Variants in ZNF585A observed in about 807,000 individuals in gnomAD.
ZNF585A encodes the protein zinc finger protein 585A.
ZNF585A carries 9 observed loss-of-function variants against 14.9 expected under a neutral mutation model. That is an observed-to-expected ratio of 0.60 (90% CI 0.36 to 1.05). ZNF585A has a LOEUF of 1.05. Ranked by LOEUF, ZNF585A falls within the 50% of genes least tolerant of loss-of-function variation. ZNF585A has a pLI of 0.01. For synonymous variants in ZNF585A, 276 were observed against 319.9 expected (o/e 0.86, Z 1.46); for missense variants, 726 against 926.4 (o/e 0.78, Z 2.81).
At chr19:37,165,195 TA>T (rs971513411) in intron 2 of ZNF585A, among the ~76,000 whole-genome samples, 36 of 151,952 alleles carry the variant, frequency 2.4e-4, no homozygotes, top group Admixed American at 1.6e-3. Flanking sequence ...CCGTGTCTAC[TA>T]AAAAAATACA....
Position 37,152,614 on chromosome 19 carries a change from G to A in ZNF585A, c.1285C>T (p.Gln429Ter), listed in dbSNP as rs1243378300. The change falls in exon 5 of 5, where the codon CAA (glutamine) becomes TAA (stop). Residue 429 changes from glutamine (Q) to a stop codon, truncating the protein, a stop_gained. Transcript: ENST00000292841. LOFTEE classifies it low-confidence loss of function (END_TRUNC). ...GGTTTCTCTCCAGTATGAATTATTT[G>A]ATGTGCAATCAAGTGTGCCTTCTGA... is the stretch of plus-strand genomic sequence containing the variant. ...FIQKAHLIAH[Q>*]IIHTGEKPHK... is the part of the protein sequence containing the mutation. The A allele has an allele frequency of 9.3e-6, 15 of 1,614,014 alleles. No individual in the cohort carries two copies. The highest frequency in any genetic ancestry group is 1.7e-5 in the Admixed American group (1 of 59,996).
In ZNF585A at chr19:37,152,681, T is replaced by C. The variant is rs539469897; in HGVS notation, c.1218A>G (p.Gly406=). Residue 406 remains glycine, a synonymous_variant, in exon 5 of 5, where the codon GGA becomes GGG. Transcript: ENST00000292841. The stretch of plus-strand genomic sequence containing the variant: ...ATTTCATGCATATATACGATTTTTC[T>C]CCTGTATGAATTCTCTGATGCACTG... The part of the protein sequence containing the change: ...ALTVHQRIHT[G]EKSYICMKCG... The C allele has an allele frequency of 1.9e-6, 3 of 1,613,978 alleles. No homozygotes were observed. In the East Asian group the frequency reaches 6.7e-5, roughly 36 times the overall value.
At chr19:37,171,545 A>G (rs1229200755) in intron 1 of ZNF585A, among the ~76,000 whole-genome samples, 2 of 152,176 alleles carry the variant, frequency 1.3e-5, no homozygotes, top group African/African-American at 2.4e-5. Flanking sequence ...TATTTTATAA[A>G]TTGTTGGTAT....
chr19:37,161,420 C>T (rs1217604317), intron 2 of ZNF585A, among the ~76,000 whole-genome samples: 2 of 152,106 alleles, frequency 1.3e-5, no homozygotes, highest in Non-Finnish European at 2.9e-5. Context: ...ACATACATAA[C>T]ATTTGGGAAT....
At chr19:37,168,304 C>T (rs1972128505) in intron 2 of ZNF585A, among the ~76,000 whole-genome samples, 1 of 152,152 alleles carries the variant, frequency 6.6e-6, no homozygotes. Flanking sequence ...CTGGTACTAT[C>T]AGTTAAACCT....
Position 37,149,920 on chromosome 19 carries a change from G to T in ZNF585A, c.*1669C>A, listed in dbSNP as rs1336399233. ...ATGCAATCTTGGGGGAAGTACAGTA[G>T]CCAAGGGTGACTAAGGAACCGCATG... On this transcript the variant is annotated 3_prime_UTR_variant, in exon 5 of 5. Transcript: ENST00000292841. The T allele has an allele frequency of 6.6e-6, 1 of 152,244 alleles. No individual in the cohort carries two copies. The highest frequency in any genetic ancestry group is 1.5e-5 in the Non-Finnish European group (1 of 68,112). 9.4% of individuals were successfully genotyped at this position (152,244 alleles called of 1,614,324 possible). A position where few individuals can be genotyped will look rare whatever the true frequency, so the allele number is the denominator to read the frequency against.
rs139360611 is a variant in ZNF585A, at chr19:37,152,645, G to A, written c.1254C>T (p.Ala418=). 406 of 1,614,004 alleles carry A rather than the reference G, an allele frequency of 2.5e-4. 1 individual carries two copies. The African/African-American group carries it at 5.2e-3, about 21-fold the overall frequency. ...CAATCAAGTGTGCCTTCTGAATGAAGGCCAGTCCACATTTCATGCATATAT... is the reference window on the plus strand; with the variant it reads ...CAATCAAGTGTGCCTTCTGAATGAAAGCCAGTCCACATTTCATGCATATAT... ...KSYICMKCGL[A]FIQKAHLIAH... Residue 418 remains alanine (A), a synonymous_variant, in exon 5 of 5, where the codon GCC becomes GCT. Transcript: ENST00000292841.
At chr19:37,156,090 T>G in intron 3 of ZNF585A, 133 bp from the exon 4 acceptor site, 1 of 1,546,508 alleles carries the variant, frequency 6.5e-7, no homozygotes, top group Non-Finnish European at 8.7e-7. Flanking sequence ...AAATTCTGAG[T>G]GCCCTAAACA....
intron 2 of ZNF585A, among the ~76,000 whole-genome samples, chr19:37,167,218 G>A (rs947430357): frequency 1.6e-4 from 25 of 151,754 alleles, no homozygotes; most frequent in African/African-American, 5.8e-4. Context: ...TCTGTCGCCT[G>A]GGCTGAAGTG....
At chr19:37,155,209 C>T (rs965077620) in intron 4 of ZNF585A, among the ~76,000 whole-genome samples, 4 of 151,644 alleles carry the variant, frequency 2.6e-5, no homozygotes, top group Admixed American at 2.0e-4. Context: ...ACCGTGGTCC[C>T]GATCTCCTGA....
chr19:37,162,323 T>C (rs1002413256), intron 2 of ZNF585A, among the ~76,000 whole-genome samples: 1 of 152,260 alleles, frequency 6.6e-6, no homozygotes, highest in African/African-American at 2.4e-5. Context: ...ATTCTGTTTA[T>C]GAGGCTTACA....
chr19:37,166,502 CAG>C, intron 2 of ZNF585A, among the ~76,000 whole-genome samples: 1 of 151,350 alleles, frequency 6.6e-6, no homozygotes, highest in East Asian at 2.0e-4. Flanking sequence ...GTAGTAGAAA[CAG>C]AGTTCCACCA....
Position 37,153,305 on chromosome 19 carries a change from C to T in ZNF585A, c.594G>A (p.Val198=), listed in dbSNP as rs780553869. ...CNECGKSFFQ[V]SSLFRHQRIH... is the part of the protein sequence containing the mutation. ...TTCTCTGATGCCTGAAGAGGGACGA[C>T]ACTTGAAAAAAGGATTTTCCACATT... is the stretch of plus-strand genomic sequence containing the variant. The change falls in exon 5 of 5, where the codon GTG becomes GTA. Residue 198 remains valine, a synonymous_variant. Transcript: ENST00000292841. 4.3e-6 allele frequency: 7 copies of T among 1,613,910 alleles called. No individual in the cohort carries two copies. The highest frequency in any genetic ancestry group is 4.0e-5 in the African/African-American group (3 of 74,898).
At chr19:37,154,445 T>C (rs1971889991) in intron 4 of ZNF585A, among the ~76,000 whole-genome samples, 1 of 151,914 alleles carries the variant, frequency 6.6e-6, no homozygotes, top group Admixed American at 6.6e-5. Context: ...TAAGAGAGAA[T>C]CCTGACCCAG....
chr19:37,167,250 C>A (rs759273008), intron 2 of ZNF585A, among the ~76,000 whole-genome samples: 2 of 152,224 alleles, frequency 1.3e-5, no homozygotes, highest in African/African-American at 2.4e-5. Context: ...TCTTGGCTCA[C>A]TGCAACCTCT....
chr19:37,160,771 A>G (rs1327494053), intron 2 of ZNF585A, among the ~76,000 whole-genome samples: 3 of 152,204 alleles, frequency 2.0e-5, no homozygotes, highest in Admixed American at 2.0e-4. Flanking sequence ...AAACCATCTT[A>G]TGACCATTAA....
chr19:37,148,650 A>C lies in ZNF585A; in HGVS notation c.*2939T>G, dbSNP rs1161154789. 6.6e-6 allele frequency: 1 copy of C among 152,208 alleles called. No individual in the cohort carries two copies. Among genetic ancestry groups the C allele is most frequent in the Admixed American group, 6.5e-5 (1 of 15,276 alleles). 9.4% of individuals were successfully genotyped at this position (152,208 alleles called of 1,614,324 possible). A position where few individuals can be genotyped will look rare whatever the true frequency, so the allele number is the denominator to read the frequency against. On this transcript the variant is annotated 3_prime_UTR_variant, in exon 5 of 5. Coordinates refer to ENST00000292841, the MANE Select transcript of ZNF585A (RefSeq NM_001288800.2). ...AAAAAGTGTGACTATTACTGAATGT[A>C]AATTATACCTCAATAAATATAACTT...
At chr19:37,159,895 AT>A (rs1257802433) in intron 2 of ZNF585A, among the ~76,000 whole-genome samples, 1 of 152,236 alleles carries the variant, frequency 6.6e-6, no homozygotes, top group Non-Finnish European at 1.5e-5. Context: ...ACAGAGTTCT[AT>A]GTATAGACAG....
Position 37,158,033 on chromosome 19 carries a change from G to A in ZNF585A, c.73-1678C>T, listed in dbSNP as rs145661366. On this transcript the variant is annotated intron_variant, in intron 2 of 4. Transcript: ENST00000292841. ...CTCCCGAGTAGCTGGGATTACAGGCGCACGCCACCACACCAGGCTAATTTT... is the reference window on the plus strand; with the variant it reads ...CTCCCGAGTAGCTGGGATTACAGGCACACGCCACCACACCAGGCTAATTTT... Among the ~76,000 whole-genome samples the A allele has an allele frequency of 9.2e-5, 14 of 151,788 alleles. No homozygotes were observed. In the East Asian group the frequency reaches 1.6e-3, roughly 17 times the overall value.
Sources: allele counts gnomAD v4.1 joint callset (sites outside exome capture counted in the v4.1 genomes callset), GRCh38; gene constraint gnomAD v4.1.1; transcripts MANE v1.5; gene names NCBI Gene and HGNC (gene_info 2026-07-23, HGNC 2026-07-21).